Variants in MAGEC3 observed in about 807,000 individuals in gnomAD.
MAGEC3 encodes the protein MAGE family member C3.
A neutral mutation model predicts 35.3 loss-of-function variants in MAGEC3; 34 were observed. That is an observed-to-expected ratio of 0.96 (90% CI 0.73 to 1.28). The LOEUF (loss-of-function observed/expected upper bound fraction) is 1.28. Ranked by LOEUF, MAGEC3 falls within the 50% of genes most tolerant of loss-of-function variation. The pLI is 0.00. For synonymous variants in MAGEC3, 202 were observed against 185.6 expected, an observed-to-expected ratio of 1.09 and a Z score of -0.72; for missense variants, 561 against 483.6, an observed-to-expected ratio of 1.16 and a Z score of -1.50.
At chrX:141,846,329 T>A (rs941143321) in intron 1 of MAGEC3, among the ~76,000 whole-genome samples, 3 of 109,734 alleles carry the variant, frequency 2.7e-5, no homozygotes, top group African/African-American at 9.9e-5. Flanking sequence ...ATTACACCTC[T>A]AAACTTGCTG....
intron 3 of MAGEC3, chrX:141,880,699 G>T (rs1034434897): frequency 3.6e-5 from 18 of 500,756 alleles, no homozygotes; most frequent in Non-Finnish European, 5.7e-5. Flanking sequence ...GCCATTCCTG[G>T]TGCCTCAGGC....
chrX:141,892,696 G>A (rs2018051856), intron 4 of MAGEC3, among the ~76,000 whole-genome samples: 1 of 111,519 alleles, frequency 9.0e-6, no homozygotes, highest in African/African-American at 3.3e-5. Context: ...AACCCTAGGT[G>A]ACTTTGGGTT....
intron 2 of MAGEC3, among the ~76,000 whole-genome samples, chrX:141,876,079 G>C (rs186753471): frequency 5.4e-3 from 611 of 112,371 alleles, no homozygotes; most frequent in African/African-American, 0.017. Context: ...CCTGTCAGGA[G>C]TAAGAACAGC....
chrX:141,848,642 GA>G (rs1007856228), intron 1 of MAGEC3, among the ~76,000 whole-genome samples: 9 of 110,501 alleles, frequency 8.1e-5, no homozygotes, highest in African/African-American at 2.9e-4. Context: ...ACAAATAAAT[GA>G]AAAAAAATTA....
intron 1 of MAGEC3, among the ~76,000 whole-genome samples, chrX:141,862,118 A>T (rs769939862): frequency 8.9e-6 from 1 of 111,828 alleles, no homozygotes; most frequent in Non-Finnish European, 1.9e-5. Context: ...TAAAAAGTAG[A>T]CAAATGACAC....
intron 1 of MAGEC3, among the ~76,000 whole-genome samples, chrX:141,862,493 C>T (rs1196469622): frequency 8.9e-6 from 1 of 112,408 alleles, no homozygotes; most frequent in Admixed American, 9.4e-5. Context: ...TTCATGTTTA[C>T]TGAAGCACCA....
In MAGEC3 at chrX:141,895,521, G is replaced by A. The variant is rs762359891; in HGVS notation, c.1085G>A (p.Gly362Glu). ...AGHRQEDGRR[G>E]LTEASPQQKK... is the part of the protein sequence containing the mutation. ...CACAGACAGGAAGATGGCCGCCGAG[G>A]GCTGACCGAGGCGTCCCCACAACAG... The change falls in exon 6 of 8, where the codon GGG (glycine) becomes GAG (glutamate). Residue 362 changes from glycine (G) to glutamate (E), a missense_variant. By Grantham distance (98) the Gly-to-Glu change is moderately conservative. Coordinates refer to ENST00000298296, the MANE Select transcript of MAGEC3 (RefSeq NM_138702.1). 1.7e-5 allele frequency: 20 copies of A among 1,206,563 alleles called. No homozygotes were observed. In the South Asian group the frequency reaches 3.4e-4, roughly 20 times the overall value.
At chrX:141,891,297 G>T (rs1293544550) in intron 4 of MAGEC3, among the ~76,000 whole-genome samples, 3 of 110,953 alleles carry the variant, frequency 2.7e-5, no homozygotes, top group African/African-American at 9.9e-5. Context: ...TTGAGGAAGG[G>T]GTATAATTCG....
intron 1 of MAGEC3, chrX:141,840,003 A>G: frequency 1.2e-5 from 9 of 752,244 alleles, no homozygotes; most frequent in Non-Finnish European, 1.4e-5. Context: ...TCAGAACTCT[A>G]AAAATGATTC....
chrX:141,838,542 C>G (rs2017666932), intron 1 of MAGEC3, 104 bp downstream of exon 1: 5 of 1,084,174 alleles, frequency 4.6e-6, no homozygotes, highest in Non-Finnish European at 6.1e-6. Flanking sequence ...AGTGTGCAGT[C>G]TGTTGGGGGT....
intron 1 of MAGEC3, among the ~76,000 whole-genome samples, chrX:141,839,122 C>G (rs1295639828): frequency 5.4e-5 from 6 of 111,240 alleles, no homozygotes; most frequent in Admixed American, 1.9e-4. Flanking sequence ...GGCTCTCTCA[C>G]CTATCCTTTC....
chrX:141,868,924 C>T (rs891070082), intron 2 of MAGEC3, among the ~76,000 whole-genome samples: 1 of 108,936 alleles, frequency 9.2e-6, no homozygotes, highest in African/African-American at 3.4e-5. Flanking sequence ...CTCTTTCACC[C>T]AGGCGGGAGT....
intron 2 of MAGEC3, among the ~76,000 whole-genome samples, chrX:141,868,986 A>G (rs1415318283): frequency 9.1e-6 from 1 of 109,364 alleles, no homozygotes; most frequent in Admixed American, 9.8e-5. Context: ...GGTTCACGCC[A>G]TTCTCCTGCC....
rs749813466 is a variant in MAGEC3, at chrX:141,897,170, A to G, written c.1412A>G (p.Tyr471Cys). The G allele has an allele frequency of 2.5e-6, 3 of 1,211,929 alleles. No individual in the cohort carries two copies. The East Asian group carries it at 8.9e-5, about 36-fold the overall frequency. The change falls in exon 7 of 8, where the codon TAT (tyrosine) becomes TGT (cysteine). Residue 471 changes from tyrosine (Y) to cysteine (C), a missense_variant. By Grantham distance (194) the Tyr-to-Cys change is radical (BLOSUM62 -2). Coordinates refer to ENST00000298296, the MANE Select transcript of MAGEC3 (RefSeq NM_138702.1). ...TTGGTGCAGTTTCTTCTCCTCAAAT[A>G]TCAAACAAAAGAGCCTGTCACAAAG... ...AELVQFLLLK[Y>C]QTKEPVTKAE...
intron 6 of MAGEC3, 170 bp from the exon 7 acceptor site, chrX:141,896,712 T>G: frequency 8.3e-7 from 1 of 1,211,481 alleles, no homozygotes; most frequent in Non-Finnish European, 1.1e-6. Flanking sequence ...AGAACCCGAG[T>G]GTGACAGAGG....
intron 1 of MAGEC3, among the ~76,000 whole-genome samples, chrX:141,857,181 T>C (rs955313903): frequency 1.8e-5 from 2 of 109,773 alleles, no homozygotes; most frequent in Non-Finnish European, 3.8e-5. Context: ...CATTAGAATG[T>C]AATTGTGAAA....
intron 1 of MAGEC3, among the ~76,000 whole-genome samples, chrX:141,856,876 A>G (rs1366831816): frequency 8.9e-6 from 1 of 112,103 alleles, no homozygotes; most frequent in Non-Finnish European, 1.9e-5. Context: ...TTGTACCACA[A>G]TTTGGCTTTC....
At chrX:141,848,092 AATAT>A (rs1312327358) in intron 1 of MAGEC3, among the ~76,000 whole-genome samples, 2 of 109,870 alleles carry the variant, frequency 1.8e-5, no homozygotes, top group Non-Finnish European at 1.9e-5. Context: ...TGTATGTATA[AATAT>A]ATATACACGC....
chrX:141,893,344 C>T (rs915152632), intron 4 of MAGEC3, among the ~76,000 whole-genome samples: 1 of 111,429 alleles, frequency 9.0e-6, no homozygotes, highest in Admixed American at 9.6e-5. Flanking sequence ...TATTTAGAAA[C>T]AGTTCATTAT....
Sources: gnomAD v4.1 joint callset for allele counts (sites outside exome capture counted in the v4.1 genomes callset) on GRCh38, gnomAD v4.1.1 for gene constraint, MANE v1.5 for transcripts, NCBI Gene and HGNC (gene_info 2026-07-23, HGNC 2026-07-21) for gene names.